Variants in SAMD4A observed in about 807,000 individuals in gnomAD.
The protein encoded by SAMD4A is protein Smaug homolog 1.
Under a neutral mutation model 81.3 loss-of-function variants are expected in SAMD4A, and 33 were observed. The observed-to-expected ratio is 0.41, with a 90% confidence interval of 0.31 to 0.54. The LOEUF (loss-of-function observed/expected upper bound fraction) is 0.54, where lower values mean the gene tolerates loss of function less well. Ranked by LOEUF, SAMD4A falls within the 20% of genes least tolerant of loss-of-function variation. The probability of loss-of-function intolerance (pLI) is 0.37; values close to 1 mark genes in which losing one functional copy is unlikely to be tolerated. For missense variants in SAMD4A, 854 were observed against 951.1 expected, an observed-to-expected ratio of 0.90 and a Z score of 1.34; for synonymous variants, 389 against 382.1, an observed-to-expected ratio of 1.02 and a Z score of -0.21.
chr14:54,628,201 A>G (rs1260841200), intron 2 of SAMD4A, among the ~76,000 whole-genome samples: 1 of 152,104 alleles, frequency 6.6e-6, no homozygotes, highest in Admixed American at 6.5e-5. Flanking sequence ...CCGAGATCAA[A>G]ATCCAAATAT....
intron 2 of SAMD4A, among the ~76,000 whole-genome samples, chr14:54,621,012 G>A (rs1339372179): frequency 4.6e-5 from 7 of 152,176 alleles, no homozygotes; most frequent in Non-Finnish European, 1.0e-4. Context: ...CCTCAAGTGA[G>A]CCTCCATCCT....
Position 54,788,765 on chromosome 14 carries a change from G to A in SAMD4A, c.2129-151G>A, listed in dbSNP as rs1208895656. 25 of 840,148 alleles carry A rather than the reference G, an allele frequency of 3.0e-5. 1 individual carries two copies. In the East Asian group the frequency reaches 5.7e-4, roughly 19 times the overall value. The allele number at this position is 840,148 out of a possible 1,614,324, so 52.0% of individuals were successfully genotyped here. A position where few individuals can be genotyped will look rare whatever the true frequency, so the allele number is the denominator to read the frequency against. Reference sequence around the variant, plus strand: ...TAGCTGTTCCCCAGATATCATGTGGGTGGGTATGTAAATGCGTGAACACAT... The same window carrying A: ...TAGCTGTTCCCCAGATATCATGTGGATGGGTATGTAAATGCGTGAACACAT... On this transcript the variant is annotated intron_variant, in intron 12 of 12. Coordinates refer to ENST00000554335, the MANE Select transcript of SAMD4A (RefSeq NM_015589.6).
intron 2 of SAMD4A, among the ~76,000 whole-genome samples, chr14:54,572,454 C>CCT (rs2033157359): frequency 6.6e-6 from 1 of 152,190 alleles, no homozygotes; most frequent in African/African-American, 2.4e-5. Flanking sequence ...CATGCATGAT[C>CCT]CTCTGAGAGG....
At chr14:54,599,012 G>A (rs1425404880) in intron 2 of SAMD4A, among the ~76,000 whole-genome samples, 2 of 152,064 alleles carry the variant, frequency 1.3e-5, no homozygotes, top group Admixed American at 1.3e-4. Context: ...TAGAGACATG[G>A]TGTCACCATG....
At chr14:54,712,245 T>C (rs1201726327) in intron 3 of SAMD4A, among the ~76,000 whole-genome samples, 2 of 151,390 alleles carry the variant, frequency 1.3e-5, no homozygotes, top group Non-Finnish European at 3.0e-5. Context: ...ATGGAATTAT[T>C]TTGCCTTTTA....
intron 5 of SAMD4A, 124 bp downstream of exon 5, chr14:54,749,048 C>G (rs1245216191): frequency 4.6e-6 from 3 of 647,458 alleles, no homozygotes; most frequent in Non-Finnish European, 8.1e-6. Flanking sequence ...GTGCTGGAAA[C>G]TGTGGGGTGC....
intron 2 of SAMD4A, chr14:54,694,509 G>C (rs139440175): frequency 2.1e-6 from 1 of 473,550 alleles, no homozygotes. Flanking sequence ...TTGTGGACAT[G>C]TTGACTTTGA....
At chr14:54,785,559 C>T (rs1050892126) in intron 12 of SAMD4A, among the ~76,000 whole-genome samples, 2 of 152,118 alleles carry the variant, frequency 1.3e-5, no homozygotes, top group African/African-American at 2.4e-5. Flanking sequence ...GGCCGAGAAG[C>T]GATAGCCCTA....
chr14:54,634,970 G>T (rs1165805018), intron 2 of SAMD4A, among the ~76,000 whole-genome samples: 1 of 152,134 alleles, frequency 6.6e-6, no homozygotes, highest in Admixed American at 6.5e-5. Flanking sequence ...GCAGATCTTG[G>T]TCACTGTATC....
At chr14:54,732,962 G>C (rs143970978) in intron 3 of SAMD4A, among the ~76,000 whole-genome samples, 10 of 152,302 alleles carry the variant, frequency 6.6e-5, no homozygotes, top group African/African-American at 2.2e-4. Flanking sequence ...AAATGGGAAA[G>C]AAATCTGAAT....
chr14:54,598,810 C>T (rs1007791438), intron 2 of SAMD4A, among the ~76,000 whole-genome samples: 2 of 151,884 alleles, frequency 1.3e-5, no homozygotes, highest in Non-Finnish European at 2.9e-5. Context: ...CCTCTCCCCT[C>T]CCCTCCCCTC....
chr14:54,714,899 C>T (rs111826336), intron 3 of SAMD4A, among the ~76,000 whole-genome samples: 43 of 152,156 alleles, frequency 2.8e-4, no homozygotes, highest in African/African-American at 1.0e-3. Context: ...AGCCAGCCTT[C>T]CACAAATACC....
intron 10 of SAMD4A, 108 bp from the exon 11 acceptor site, chr14:54,776,306 A>AAGTT (rs1015792754): frequency 9.2e-6 from 11 of 1,192,044 alleles, no homozygotes; most frequent in East Asian, 8.3e-5. Context: ...CCTTTTCTAG[A>AAGTT]AGTTAGAGTT....
intron 2 of SAMD4A, among the ~76,000 whole-genome samples, chr14:54,569,109 C>T (rs184039760): frequency 5.3e-5 from 8 of 151,958 alleles, no homozygotes; most frequent in African/African-American, 1.2e-4. Flanking sequence ...GAACAGAGTC[C>T]CCAGTGTTTA....
chr14:54,662,122 A>G (rs2035655045), intron 2 of SAMD4A, among the ~76,000 whole-genome samples: 1 of 152,214 alleles, frequency 6.6e-6, no homozygotes, highest in South Asian at 2.1e-4. Flanking sequence ...TCTCACCTGA[A>G]GTTCTTCAAA....
intron 8 of SAMD4A, among the ~76,000 whole-genome samples, chr14:54,765,851 G>T (rs1311324668): frequency 1.3e-5 from 2 of 152,072 alleles, no homozygotes; most frequent in Non-Finnish European, 2.9e-5. Flanking sequence ...CACATACAAG[G>T]GTACAGTCCC....
intron 2 of SAMD4A, among the ~76,000 whole-genome samples, chr14:54,654,445 A>G (rs2035475446): frequency 6.6e-6 from 1 of 152,176 alleles, no homozygotes; most frequent in Admixed American, 6.5e-5. Flanking sequence ...AACCTAGGAT[A>G]GCAACCCCCT....
At chr14:54,713,966 G>A (rs1594848292) in intron 3 of SAMD4A, among the ~76,000 whole-genome samples, 1 of 152,280 alleles carries the variant, frequency 6.6e-6, no homozygotes, top group African/African-American at 2.4e-5. Context: ...ATAAATTTCA[G>A]TAGAAGGCTT....
chr14:54,568,287 C>T (rs1362304518), intron 2 of SAMD4A, among the ~76,000 whole-genome samples, 175 bp downstream of exon 2: 3 of 151,808 alleles, frequency 2.0e-5, no homozygotes, highest in Admixed American at 2.0e-4. Context: ...CACTACCGCC[C>T]CCCACCTACT....
Sources: gnomAD v4.1 joint callset for allele counts (sites outside exome capture counted in the v4.1 genomes callset) on GRCh38, gnomAD v4.1.1 for gene constraint, MANE v1.5 for transcripts, NCBI Gene and HGNC (gene_info 2026-07-23, HGNC 2026-07-21) for gene names.